RORB: variants seen among roughly 807,000 people sequenced by gnomAD.
RORB encodes the protein RAR related orphan receptor B.
RORB carries 6 observed loss-of-function variants against 59.1 expected under a neutral mutation model. That is an observed-to-expected ratio of 0.10 (90% CI 0.06 to 0.20). The LOEUF is 0.20. Ranked by LOEUF, RORB falls within the 10% of genes least tolerant of loss-of-function variation. The pLI, the probability that RORB is intolerant of heterozygous loss-of-function variation, is 1.00. For synonymous variants in RORB, 215 were observed against 204.5 expected, an observed-to-expected ratio of 1.05 and a Z score of -0.44; for missense variants, 320 against 560.5, an observed-to-expected ratio of 0.57 and a Z score of 4.33.
In RORB at chr9:74,690,839, T is replaced by C. The variant is rs905378655; in HGVS notation, c.*5221T>C. 1.3e-5 allele frequency: 2 copies of C among 152,042 alleles called. No individual in the cohort carries two copies. Among genetic ancestry groups the C allele is most frequent in the Non-Finnish European group, 2.9e-5 (2 of 68,008 alleles). 9.4% of individuals were successfully genotyped at this position (152,042 alleles called of 1,614,324 possible). ...CTTATAAAAGACACTCCAACTTGTC[T>C]TGCCCAAACTCCCTTCTTCATAGAG... On this transcript the variant is annotated 3_prime_UTR_variant, in exon 10 of 10. Transcript: ENST00000376896.
intron 7 of RORB, 105 bp downstream of exon 7, chr9:74,665,700 G>C (rs1824253561): frequency 1.4e-6 from 1 of 739,366 alleles, no homozygotes. Context: ...ATGTGAACCA[G>C]TATCTCATTA....
At chr9:74,684,102 C>T (rs551598774) in intron 9 of RORB, among the ~76,000 whole-genome samples, 9 of 152,292 alleles carry the variant, frequency 5.9e-5, no homozygotes, top group East Asian at 1.9e-4. Flanking sequence ...CTTCTTTACA[C>T]GTTCTAGATC....
intron 1 of RORB, among the ~76,000 whole-genome samples, chr9:74,517,561 T>G (rs1826026757): frequency 6.6e-6 from 1 of 152,060 alleles, no homozygotes; most frequent in Non-Finnish European, 1.5e-5. Flanking sequence ...TAAACAAACT[T>G]ATATTTGAAT....
rs1824639449 is a variant in RORB, at chr9:74,686,168, C to T, written c.*550C>T. The T allele has an allele frequency of 6.6e-6, 1 of 152,546 alleles. No individual in the cohort carries two copies. The highest frequency in any genetic ancestry group is 2.4e-5 in the African/African-American group (1 of 41,416). The allele number at this position is 152,546 out of a possible 1,614,324, so 9.4% of individuals were successfully genotyped here. On this transcript the variant is annotated 3_prime_UTR_variant, in exon 10 of 10. Coordinates refer to ENST00000376896, the MANE Select transcript of RORB (RefSeq NM_006914.4). ...CATGCACTGTGGCTTAAATACCATACCTACTAGCAATGGAGGTTCAGTCAG... is the reference window on the plus strand; with the variant it reads ...CATGCACTGTGGCTTAAATACCATATCTACTAGCAATGGAGGTTCAGTCAG...
rs141405347 is a variant in RORB at position 74,581,833 on chromosome 9, T to C, written c.8-48449T>C. Among the ~76,000 whole-genome samples, 936 of 152,322 alleles carry C rather than the reference T, an allele frequency of 6.1e-3. 7 individuals carry two copies. The highest frequency in any genetic ancestry group is 0.01 in the Middle Eastern group (3 of 294). ...ATTCCTCTGATGGATTATTACATTA[T>C]ATATTTTATGCCACAATTTCTATAG... On this transcript the variant is annotated intron_variant, in intron 1 of 9. Transcript: ENST00000376896.
intron 1 of RORB, among the ~76,000 whole-genome samples, chr9:74,619,974 T>C (rs1010722644): frequency 1.3e-5 from 2 of 152,208 alleles, no homozygotes; most frequent in Admixed American, 1.3e-4. Flanking sequence ...TGCATCGATG[T>C]TCGTCAGGGA....
At chr9:74,630,123 A>G in intron 1 of RORB, 159 bp from the exon 2 acceptor site, 1 of 468,478 alleles carries the variant, frequency 2.1e-6, no homozygotes, top group Non-Finnish European at 2.8e-6. Flanking sequence ...AGCTTAGGAC[A>G]GCCATGCAAA....
chr9:74,642,072 C>T (rs1387762545), intron 3 of RORB, among the ~76,000 whole-genome samples: 1 of 151,884 alleles, frequency 6.6e-6, no homozygotes, highest in Non-Finnish European at 1.5e-5. Context: ...GGTACTATTG[C>T]TAATTTGGTA....
chr9:74,670,895 A>G (rs963572944), intron 8 of RORB, among the ~76,000 whole-genome samples: 1 of 152,210 alleles, frequency 6.6e-6, no homozygotes, highest in African/African-American at 2.4e-5. Flanking sequence ...CCTGTCTAGG[A>G]TTACAGAATT....
chr9:74,570,522 G>C (rs1822535578), intron 1 of RORB, among the ~76,000 whole-genome samples: 1 of 152,122 alleles, frequency 6.6e-6, no homozygotes, highest in South Asian at 2.1e-4. Context: ...TTACCTTCAT[G>C]AAAAGAGGTC....
intron 1 of RORB, among the ~76,000 whole-genome samples, chr9:74,578,900 C>T (rs996706054): frequency 2.6e-5 from 4 of 152,086 alleles, no homozygotes; most frequent in Admixed American, 2.0e-4. Flanking sequence ...TGTCCTCATC[C>T]TTTGTCCTCT....
At chr9:74,651,371 C>T (rs1460597736) in intron 4 of RORB, among the ~76,000 whole-genome samples, 1 of 152,078 alleles carries the variant, frequency 6.6e-6, no homozygotes, top group African/African-American at 2.4e-5. Flanking sequence ...CCTGTCTCCA[C>T]TAAAAATACA....
intron 1 of RORB, among the ~76,000 whole-genome samples, chr9:74,595,314 A>G (rs921482880): frequency 1.1e-4 from 17 of 152,208 alleles, no homozygotes; most frequent in African/African-American, 3.4e-4. Flanking sequence ...CTCATGGCTC[A>G]CCAAAAGTAA....
intron 1 of RORB, among the ~76,000 whole-genome samples, chr9:74,590,761 A>G (rs1822875726): frequency 6.6e-6 from 1 of 151,854 alleles, no homozygotes; most frequent in African/African-American, 2.4e-5. Context: ...AAATCTTCCT[A>G]ATCTGTTTTT....
At chr9:74,543,524 A>T (rs1250015117) in intron 1 of RORB, among the ~76,000 whole-genome samples, 2 of 152,208 alleles carry the variant, frequency 1.3e-5, no homozygotes, top group African/African-American at 4.8e-5. Flanking sequence ...TGACTTCAGG[A>T]CCACATCAGT....
At chr9:74,555,674 A>T (rs549569948) in intron 1 of RORB, among the ~76,000 whole-genome samples, 2 of 152,210 alleles carry the variant, frequency 1.3e-5, no homozygotes, top group Non-Finnish European at 2.9e-5. Context: ...TGTTATTCAG[A>T]TCCTGGAGTG....
At chr9:74,501,500 G>C (rs1403235851) in intron 1 of RORB, among the ~76,000 whole-genome samples, 2 of 152,056 alleles carry the variant, frequency 1.3e-5, no homozygotes, top group Non-Finnish European at 1.5e-5. Context: ...ATTGCTGGAA[G>C]GACATCTCTG....
intron 1 of RORB, among the ~76,000 whole-genome samples, chr9:74,595,730 C>T (rs563962506): frequency 6.6e-6 from 1 of 152,298 alleles, no homozygotes; most frequent in African/African-American, 2.4e-5. Context: ...ATGGTCTAGC[C>T]ATCGTCTAAG....
At chr9:74,582,021 T>A (rs1235324514) in intron 1 of RORB, among the ~76,000 whole-genome samples, 1 of 152,196 alleles carries the variant, frequency 6.6e-6, no homozygotes, top group African/African-American at 2.4e-5. Flanking sequence ...AAAAATCAGA[T>A]TCCTTGGGTT....
Sources: allele counts gnomAD v4.1 joint callset (sites outside exome capture counted in the v4.1 genomes callset), GRCh38; gene constraint gnomAD v4.1.1; transcripts MANE v1.5; gene names NCBI Gene and HGNC (gene_info 2026-07-23, HGNC 2026-07-21).